TNKS2: variants seen among roughly 807,000 people sequenced by gnomAD.
TNKS2 encodes the protein poly [ADP-ribose] polymerase tankyrase-2.
In TNKS2, 72 loss-of-function variants were observed where a neutral mutation model predicts 137.6. The ratio of observed to expected loss-of-function variants is 0.52; its 90% CI spans 0.43 to 0.64. The LOEUF (loss-of-function observed/expected upper bound fraction) is 0.64, where lower values mean the gene tolerates loss of function less well. Ranked by LOEUF, TNKS2 falls within the 30% of genes least tolerant of loss-of-function variation. TNKS2 has a pLI of 0.00. For missense variants in TNKS2, 1,049 were observed against 1,410.2 expected, an observed-to-expected ratio of 0.74 and a Z score of 4.10; for synonymous variants, 516 against 512.1, an observed-to-expected ratio of 1.01 and a Z score of -0.10.
At position 91,858,989 on chromosome 10, in the gene TNKS2, A is replaced by G. The variant is rs370252423; in HGVS notation, c.3095-473A>G. On this transcript the variant is annotated intron_variant, in intron 24 of 26. Coordinates refer to ENST00000371627, the MANE Select transcript of TNKS2 (RefSeq NM_025235.4). ...ATGCCACTGCACTCCAGCCTGGGCC[A>G]CAGAGCGAGACTACATCTCAAAAAA... is the stretch of plus-strand genomic sequence containing the variant. 2.5e-3 allele frequency among the ~76,000 whole-genome samples: 376 copies of G among 152,284 alleles called. 1 individual carries two copies. Among genetic ancestry groups the G allele is most frequent in the Non-Finnish European group, 3.3e-3 (222 of 68,018 alleles).
At chr10:91,840,066 C>G (rs1278685264) in intron 13 of TNKS2, among the ~76,000 whole-genome samples, 1 of 152,186 alleles carries the variant, frequency 6.6e-6, no homozygotes. Flanking sequence ...TGAGACCAGG[C>G]ACGGTGGCTC....
intron 13 of TNKS2, 56 bp downstream of exon 13, chr10:91,837,054 T>C: frequency 6.4e-7 from 1 of 1,563,304 alleles, no homozygotes; most frequent in Non-Finnish European, 8.7e-7. Flanking sequence ...GACATTGTTA[T>C]TTAATCTGTA....
intron 2 of TNKS2, 68 bp downstream of exon 2, chr10:91,813,275 T>A: frequency 1.9e-5 from 23 of 1,240,942 alleles, no homozygotes; most frequent in Non-Finnish European, 2.5e-5. Flanking sequence ...TGAATTAATC[T>A]GTTCATATCA....
rs1842926022 is a variant in TNKS2, at chr10:91,864,356, T to G, written c.*1357T>G. ...AAAACTCTTTTCCAGGAAGCATGCT[T>G]AAGCATCTTGTTACAGAGACATACA... On this transcript the variant is annotated 3_prime_UTR_variant, in exon 27 of 27. Coordinates refer to ENST00000371627, the MANE Select transcript of TNKS2 (RefSeq NM_025235.4). The G allele has an allele frequency of 6.6e-6, 1 of 152,648 alleles. No individual in the cohort carries two copies. Among genetic ancestry groups the G allele is most frequent in the Non-Finnish European group, 1.5e-5 (1 of 68,042 alleles). The allele number at this position is 152,648 out of a possible 1,614,324, so 9.5% of individuals were successfully genotyped here. A position where few individuals can be genotyped will look rare whatever the true frequency, so the allele number is the denominator to read the frequency against.
intron 1 of TNKS2, chr10:91,807,111 C>A (rs1299675109): frequency 6.8e-7 from 1 of 1,462,706 alleles, no homozygotes; most frequent in African/African-American, 1.4e-5. Context: ...CTTTCTGTCC[C>A]AACACTTTCT....
At chr10:91,821,574 G>A (rs1031049871) in intron 6 of TNKS2, among the ~76,000 whole-genome samples, 4 of 152,068 alleles carry the variant, frequency 2.6e-5, no homozygotes, top group South Asian at 2.1e-4. Context: ...CAAACGAGAA[G>A]GAAAAGCTTC....
chr10:91,861,565 G>A (rs1465976526), intron 25 of TNKS2, among the ~76,000 whole-genome samples: 2 of 152,218 alleles, frequency 1.3e-5, no homozygotes, highest in Non-Finnish European at 2.9e-5. Context: ...TGACTTAATA[G>A]TGACAGTAGA....
Position 91,822,380 on chromosome 10 carries a change from C to CT in TNKS2, c.795+19dup, listed in dbSNP as rs748552123. The CT allele has an allele frequency of 2.5e-6, 4 of 1,574,002 alleles. No individual in the cohort carries two copies. The highest frequency in any genetic ancestry group is 3.5e-6 in the Non-Finnish European group (4 of 1,145,738). ...TGGTCAAGGTTAGTGCTCTTGTACT[C>CT]TCCTAATTACTTTCTAGAGTTATAT... On this transcript the variant is annotated intron_variant, in intron 7 of 26. Coordinates refer to ENST00000371627, the MANE Select transcript of TNKS2 (RefSeq NM_025235.4).
At chr10:91,805,386 CTA>C (rs751908062) in intron 1 of TNKS2, among the ~76,000 whole-genome samples, 5 of 152,194 alleles carry the variant, frequency 3.3e-5, no homozygotes, top group South Asian at 2.1e-4. Flanking sequence ...ATGTTGGTAA[CTA>C]TGTGGATATA....
At chr10:91,830,600 A>G (rs1845215722) in intron 9 of TNKS2, among the ~76,000 whole-genome samples, 1 of 152,230 alleles carries the variant, frequency 6.6e-6, no homozygotes, top group African/African-American at 2.4e-5. Context: ...CATGAACACA[A>G]TGCTACTTGG....
At position 91,841,430 on chromosome 10, in the gene TNKS2, T is replaced by G; in HGVS notation, c.1821T>G (p.Ile607Met). Residue 607 changes from isoleucine to methionine, a missense_variant, in exon 15 of 27, where the codon ATT becomes ATG. Transcript: ENST00000371627. Reference protein sequence around the residue: ...HEAAAKGKYEICKLLLQHGAD... With the variant: ...HEAAAKGKYEMCKLLLQHGAD... Reference sequence around the variant, plus strand: ...CAGCAGCAAAAGGAAAATATGAAATTTGCAAACTTCTGCTCCAGGTATATT... The same window carrying G: ...CAGCAGCAAAAGGAAAATATGAAATGTGCAAACTTCTGCTCCAGGTATATT... The G allele has an allele frequency of 6.2e-7, 1 of 1,607,618 alleles. No homozygotes were observed. The highest frequency in any genetic ancestry group is 1.7e-5 in the Admixed American group (1 of 59,048).
chr10:91,812,376 T>C (rs954310785), intron 1 of TNKS2, among the ~76,000 whole-genome samples: 1 of 152,084 alleles, frequency 6.6e-6, no homozygotes, highest in African/African-American at 2.4e-5. Flanking sequence ...GGAAAGAAGT[T>C]ATATATGCGT....
chr10:91,830,896 A>G (rs773774749), intron 9 of TNKS2, 27 bp from the exon 10 acceptor site: 2 of 1,547,700 alleles, frequency 1.3e-6, no homozygotes, highest in East Asian at 2.3e-5. Context: ...ATAGTCCTTG[A>G]TTAATGCTGC....
chr10:91,819,871 T>C (rs1231353455), intron 5 of TNKS2, 68 bp from the exon 6 acceptor site: 2 of 1,309,850 alleles, frequency 1.5e-6, no homozygotes, highest in Non-Finnish European at 1.0e-6. Flanking sequence ...TATTTGGGTT[T>C]TTTCCCTCTC....
chr10:91,864,531 C>T lies in TNKS2; in HGVS notation c.*1532C>T, dbSNP rs1842931686. The T allele has an allele frequency of 6.6e-6, 1 of 152,492 alleles. No individual in the cohort carries two copies. The highest frequency in any genetic ancestry group is 1.5e-5 in the Non-Finnish European group (1 of 68,008). The allele number at this position is 152,492 out of a possible 1,614,324, so 9.4% of individuals were successfully genotyped here. Reference sequence around the variant, plus strand: ...ACGTTTTATTCAGTCTGTAAATTAACTGGCCCTTTGCAGTAACTTGTACAT... The same window carrying T: ...ACGTTTTATTCAGTCTGTAAATTAATTGGCCCTTTGCAGTAACTTGTACAT... On this transcript the variant is annotated 3_prime_UTR_variant, in exon 27 of 27. Transcript: ENST00000371627.
intron 3 of TNKS2, among the ~76,000 whole-genome samples, chr10:91,817,477 T>C (rs540456899): frequency 3.2e-4 from 48 of 152,316 alleles, no homozygotes; most frequent in African/African-American, 1.1e-3. Flanking sequence ...GGGTGATAGA[T>C]AATTGTATGT....
At chr10:91,818,856 G>C (rs1041966691) in intron 3 of TNKS2, among the ~76,000 whole-genome samples, 3 of 152,074 alleles carry the variant, frequency 2.0e-5, no homozygotes, top group Admixed American at 2.0e-4. Flanking sequence ...GAACAAAGTT[G>C]TAGATACATT....
chr10:91,838,203 G>A (rs1158451297), intron 13 of TNKS2, among the ~76,000 whole-genome samples: 1 of 151,892 alleles, frequency 6.6e-6, no homozygotes, highest in East Asian at 1.9e-4. Flanking sequence ...CCAGAGGAGG[G>A]GATAGATAAA....
At chr10:91,815,870 T>A (rs1844675998) in intron 2 of TNKS2, among the ~76,000 whole-genome samples, 1 of 152,080 alleles carries the variant, frequency 6.6e-6, no homozygotes, top group African/African-American at 2.4e-5. Flanking sequence ...CTCCAGCTCC[T>A]TATTTAGAGA....
Sources: gnomAD v4.1 joint callset for allele counts (sites outside exome capture counted in the v4.1 genomes callset) on GRCh38, gnomAD v4.1.1 for gene constraint, MANE v1.5 for transcripts, NCBI Gene and HGNC (gene_info 2026-07-23, HGNC 2026-07-21) for gene names.